The following MR1 variants were observed in gnomAD, a reference collection of about 807,000 sequenced individuals.
MR1 encodes the protein major histocompatibility complex class I-related protein 1.
A neutral mutation model predicts 37.8 loss-of-function variants in MR1; 44 were observed. The observed-to-expected ratio is 1.16, with a 90% CI of 0.91 to 1.50. The LOEUF (loss-of-function observed/expected upper bound fraction) is 1.50. MR1 is among the 40% of genes most tolerant of loss of function. The pLI is 0.00. For missense variants in MR1, 386 were observed against 419.1 expected, an observed-to-expected ratio of 0.92 and a Z score of 0.69; for synonymous variants, 153 against 155.8, an observed-to-expected ratio of 0.98 and a Z score of 0.13.
intron 1 of MR1, among the ~76,000 whole-genome samples, chr1:181,048,695 C>T (rs1658078366): frequency 1.3e-5 from 2 of 152,162 alleles, no homozygotes; most frequent in African/African-American, 2.4e-5. Context: ...TTCAGAGTTC[C>T]CGAGGGCTCC....
intron 1 of MR1, among the ~76,000 whole-genome samples, chr1:181,041,337 T>C (rs1350921386): frequency 6.6e-6 from 1 of 152,198 alleles, no homozygotes; most frequent in Non-Finnish European, 1.5e-5. Context: ...TTGTTAATAC[T>C]GGAGGTTTTT....
In MR1 at chr1:181,053,381, C is replaced by CA. The variant is rs35459172; in HGVS notation, c.881-176dup. On this transcript the variant is annotated intron_variant, in intron 4 of 5. Transcript: ENST00000367580. ...TGGACGACAGAGTGAGACGCTGTCT[C>CA]AAAAAAAAAAAAAAAATTAAACACA... Among the ~76,000 whole-genome samples, 484 of 128,074 alleles carry CA rather than the reference C, an allele frequency of 3.8e-3. 3 individuals are homozygous for CA. Among genetic ancestry groups the CA allele is most frequent in the African/African-American group, 7.4e-3 (270 of 36,456 alleles). 84.0% of individuals were successfully genotyped at this position (128,074 alleles called of 152,430 possible). A position where few individuals can be genotyped will look rare whatever the true frequency, so the allele number is the denominator to read the frequency against.
chr1:181,042,603 A>C (rs964054851), intron 1 of MR1, among the ~76,000 whole-genome samples: 1 of 150,718 alleles, frequency 6.6e-6, no homozygotes, highest in African/African-American at 2.4e-5. Context: ...GGAGTTCAAG[A>C]CCAGCCTGGC....
Position 181,050,085 on chromosome 1 carries a change from G to A in MR1, c.403G>A (p.Ala135Thr), listed in dbSNP as rs1558118963. 1 of 1,614,126 alleles carries A rather than the reference G, an allele frequency of 6.2e-7. No individual in the cohort carries two copies. The highest frequency in any genetic ancestry group is 8.5e-7 in the Non-Finnish European group (1 of 1,180,042). The change falls in exon 3 of 6, where the codon GCA becomes ACA. Residue 135 changes from alanine to threonine, a missense_variant. Physicochemically the swap from Ala to Thr is moderately conservative, Grantham distance 58 (BLOSUM62 0). Coordinates refer to ENST00000367580, the MANE Select transcript of MR1 (RefSeq NM_001385161.1). ...AAGCACCACAGGATTTCTGCAGTAT[G>A]CATATGACGGGCAGGATTTCCTGAT... ...DGSTTGFLQY[A>T]YDGQDFLIFN...
At chr1:181,036,922 G>A (rs1657303839) in intron 1 of MR1, 1 of 152,148 alleles carries the variant, frequency 6.6e-6, no homozygotes, top group African/African-American at 2.4e-5. Context: ...TCAAAACTGT[G>A]GCTTACTGTA....
intron 1 of MR1, among the ~76,000 whole-genome samples, chr1:181,045,510 C>T (rs1211568476): frequency 6.6e-6 from 1 of 152,020 alleles, no homozygotes; most frequent in Non-Finnish European, 1.5e-5. Flanking sequence ...GGTCTCTGCC[C>T]TGCTCCCCCT....
rs1202624385 is a variant in MR1 at position 181,059,902 on chromosome 1, A to G, written c.*4637A>G. 1 of 152,164 alleles carries G rather than the reference A, an allele frequency of 6.6e-6. No homozygotes were observed. The highest frequency in any genetic ancestry group is 1.9e-4 in the East Asian group (1 of 5,194). 9.4% of individuals were successfully genotyped at this position (152,164 alleles called of 1,614,324 possible). On this transcript the variant is annotated 3_prime_UTR_variant, in exon 6 of 6. Coordinates refer to ENST00000367580, the MANE Select transcript of MR1 (RefSeq NM_001385161.1). ...GTAGTTGGGAGATATCATTGTGGCC[A>G]TTTTGGGAAAGATGCAACATGTCAC...
intron 1 of MR1, among the ~76,000 whole-genome samples, chr1:181,040,793 G>A (rs1465668966): frequency 6.6e-6 from 1 of 151,288 alleles, no homozygotes; most frequent in African/African-American, 2.4e-5. Context: ...CAGAAAGAAA[G>A]AAAGACACAG....
At chr1:181,039,592 G>A (rs1001566074) in intron 1 of MR1, among the ~76,000 whole-genome samples, 16 of 152,134 alleles carry the variant, frequency 1.1e-4, no homozygotes, top group South Asian at 2.1e-4. Context: ...GAGGCCGGGC[G>A]CGGTGGCTCA....
At chr1:181,038,255 CT>C (rs1657373993) in intron 1 of MR1, among the ~76,000 whole-genome samples, 1 of 152,166 alleles carries the variant, frequency 6.6e-6, no homozygotes, top group South Asian at 2.1e-4. Flanking sequence ...CTTTTATGCT[CT>C]AAGTTCCTGT....
At chr1:181,040,441 C>G (rs1190381607) in intron 1 of MR1, among the ~76,000 whole-genome samples, 2 of 152,180 alleles carry the variant, frequency 1.3e-5, no homozygotes, top group Non-Finnish European at 2.9e-5. Context: ...GGTACCTGGA[C>G]TTTTCCTCAT....
chr1:181,055,108 A>G (rs1658541403), intron 5 of MR1, 117 bp from the exon 6 acceptor site: 2 of 904,148 alleles, frequency 2.2e-6, no homozygotes, highest in Non-Finnish European at 3.6e-6. Flanking sequence ...GAATCTTGAC[A>G]AAGCAAGCTA....
At chr1:181,037,502 A>C (rs1201653532) in intron 1 of MR1, among the ~76,000 whole-genome samples, 1 of 152,206 alleles carries the variant, frequency 6.6e-6, no homozygotes, top group African/African-American at 2.4e-5. Flanking sequence ...TCTTTTGACT[A>C]GTTGAAATAT....
intron 1 of MR1, among the ~76,000 whole-genome samples, chr1:181,043,117 A>G (rs1424354867): frequency 6.6e-6 from 1 of 152,182 alleles, no homozygotes; most frequent in Non-Finnish European, 1.5e-5. Flanking sequence ...TCTTGTTTGC[A>G]TAAGAACCAA....
intron 1 of MR1, 147 bp from the exon 2 acceptor site, chr1:181,048,904 TG>T: frequency 9.8e-7 from 1 of 1,020,560 alleles, no homozygotes; most frequent in South Asian, 1.6e-5. Context: ...TCCTGGGTTC[TG>T]TGGTTCTGTA....
chr1:181,048,970 T>G, intron 1 of MR1, 82 bp from the exon 2 acceptor site: 1 of 1,536,136 alleles, frequency 6.5e-7, no homozygotes, highest in South Asian at 1.3e-5. Context: ...TAGGGAGCAC[T>G]CGTGTGGGGC....
At chr1:181,041,868 CCCGA>C (rs1657570478) in intron 1 of MR1, among the ~76,000 whole-genome samples, 2 of 152,150 alleles carry the variant, frequency 1.3e-5, no homozygotes, top group African/African-American at 2.4e-5. Context: ...CTCCCCTTCC[CCCGA>C]CTAGGGTGTA....
intron 1 of MR1, among the ~76,000 whole-genome samples, chr1:181,046,117 C>A (rs755872704): frequency 2.6e-5 from 4 of 152,226 alleles, no homozygotes; most frequent in Admixed American, 6.5e-5. Context: ...CCTCCCACCC[C>A]CTCCATGGGC....
chr1:181,052,600 G>C (rs1341267769), intron 4 of MR1, 90 bp downstream of exon 4: 2 of 1,383,672 alleles, frequency 1.4e-6, no homozygotes, highest in Admixed American at 4.3e-5. Flanking sequence ...GGGGAGGATA[G>C]ATCACTGCCT....
Sources: gnomAD v4.1 joint callset for allele counts (sites outside exome capture counted in the v4.1 genomes callset) on GRCh38, gnomAD v4.1.1 for gene constraint, MANE v1.5 for transcripts, NCBI Gene and HGNC (gene_info 2026-07-23, HGNC 2026-07-21) for gene names.